The following SUMF1 variants were observed in gnomAD, a reference collection of about 807,000 sequenced individuals.
The protein encoded by SUMF1 is formylglycine-generating enzyme.
SUMF1 carries 48 observed loss-of-function variants against 47.6 expected under a neutral mutation model. The observed-to-expected ratio is 1.01, with a 90% CI of 0.80 to 1.28. The LOEUF (loss-of-function observed/expected upper bound fraction) is 1.28, where lower values mean the gene tolerates loss of function less well. Among genes scored for constraint, SUMF1 ranks in the 50% most tolerant of loss-of-function variants. The pLI, the probability that SUMF1 is intolerant of heterozygous loss-of-function variation, is 0.00. For synonymous variants in SUMF1, 230 were observed against 192.1 expected (o/e 1.20, Z -1.63); for missense variants, 571 against 485.4 (o/e 1.18, Z -1.66).
At chr3:4,106,719 G>A (rs1044654921) in intron 8 of SUMF1, among the ~76,000 whole-genome samples, 2 of 152,036 alleles carry the variant, frequency 1.3e-5, no homozygotes, top group Non-Finnish European at 2.9e-5. Context: ...AAATTAATTT[G>A]TCCTCCCAAT....
chr3:4,066,236 A>C (rs1439656275), intron 9 of SUMF1, among the ~76,000 whole-genome samples: 1 of 152,132 alleles, frequency 6.6e-6, no homozygotes, highest in Non-Finnish European at 1.5e-5. Flanking sequence ...ACAGGATGAA[A>C]TGATATCAGT....
chr3:4,359,084 A>G (rs1699684979), downstream of SUMF1, among the ~76,000 whole-genome samples: 1 of 152,206 alleles, frequency 6.6e-6, no homozygotes, highest in Non-Finnish European at 1.5e-5. Context: ...AATGTCACAG[A>G]AAGTGAGGCT....
At chr3:4,055,552 A>T (rs1480470543) in intron 9 of SUMF1, among the ~76,000 whole-genome samples, 1 of 152,102 alleles carries the variant, frequency 6.6e-6, no homozygotes, top group Non-Finnish European at 1.5e-5. Context: ...GAGTGATCAT[A>T]GCTCACTGTA....
At position 4,231,192 on chromosome 3, in the gene SUMF1, G is replaced by C. The variant is rs1559592298; in HGVS notation, c.1014+145138C>G. ...GCTAGGCACAATCGAGTTTTGAGAG[G>C]TGGGAACGCATTTATTACAAGAAAA... On this transcript the variant is annotated intron_variant and NMD_transcript_variant, in intron 8 of 12. Coordinates refer to the SUMF1 transcript ENST00000448413. 2.0e-5 allele frequency among the ~76,000 whole-genome samples: 3 copies of C among 152,122 alleles called. No individual in the cohort carries two copies. In the South Asian group the frequency reaches 6.2e-4, roughly 31 times the overall value.
intron 8 of SUMF1, among the ~76,000 whole-genome samples, chr3:4,296,012 A>C (rs747818505): frequency 1.6e-4 from 24 of 152,176 alleles, no homozygotes; most frequent in Non-Finnish European, 2.5e-4. Context: ...TGTCTTTTGG[A>C]AAACATAACA....
intron 8 of SUMF1, among the ~76,000 whole-genome samples, chr3:4,282,217 C>G (rs1697543189): frequency 6.6e-6 from 1 of 152,088 alleles, no homozygotes; most frequent in African/African-American, 2.4e-5. Flanking sequence ...CTCCATGAAA[C>G]ATAAAATCAA....
intron 8 of SUMF1, among the ~76,000 whole-genome samples, chr3:4,169,376 T>A (rs112425495): frequency 6.6e-6 from 1 of 151,942 alleles, no homozygotes; most frequent in African/African-American, 2.4e-5. Context: ...AGTATCTTTA[T>A]AAAAAGGGGA....
intron 8 of SUMF1, among the ~76,000 whole-genome samples, chr3:4,254,294 T>A (rs1251977195): frequency 1.3e-5 from 2 of 151,680 alleles, no homozygotes; most frequent in Non-Finnish European, 2.9e-5. Flanking sequence ...AGAAGAAGGC[T>A]TCAGACGATC....
At position 4,061,182 on chromosome 3, in the gene SUMF1, T is replaced by A. The variant is rs534378843; in HGVS notation, c.1191+7387A>T. Among the ~76,000 whole-genome samples, 5 of 152,304 alleles carry A rather than the reference T, an allele frequency of 3.3e-5. No homozygotes were observed. In the East Asian group the frequency reaches 9.6e-4, roughly 29 times the overall value. Reference sequence around the variant, plus strand: ...AGAGCAATGATGACACCAGACCAATTGTCCCATAGCACTGATGTTTATGGT... The same window carrying A: ...AGAGCAATGATGACACCAGACCAATAGTCCCATAGCACTGATGTTTATGGT... On this transcript the variant is annotated intron_variant and NMD_transcript_variant, in intron 9 of 12. Coordinates refer to the SUMF1 transcript ENST00000448413.
chr3:4,127,250 T>C (rs1469976610), intron 8 of SUMF1, among the ~76,000 whole-genome samples: 1 of 152,144 alleles, frequency 6.6e-6, no homozygotes, highest in Non-Finnish European at 1.5e-5. Flanking sequence ...CTGAAAGTGG[T>C]TGGTTACAAA....
chr3:4,098,102 T>A (rs995604532), intron 8 of SUMF1, among the ~76,000 whole-genome samples: 3 of 152,052 alleles, frequency 2.0e-5, no homozygotes, highest in African/African-American at 7.3e-5. Context: ...CAAAACTTCC[T>A]CCAAAATTGC....
intron 8 of SUMF1, chr3:4,068,763 A>T (rs1695442362): frequency 2.9e-6 from 1 of 347,290 alleles, no homozygotes; most frequent in Non-Finnish European, 5.8e-6. Flanking sequence ...AAATAAGAAG[A>T]AGAAGAAGAA....
intron 8 of SUMF1, among the ~76,000 whole-genome samples, chr3:4,191,493 T>G (rs1160714510): frequency 6.6e-6 from 1 of 152,260 alleles, no homozygotes; most frequent in East Asian, 1.9e-4. Context: ...ATGGAAGATT[T>G]TGACCTAGAA....
intron 8 of SUMF1, among the ~76,000 whole-genome samples, chr3:4,215,555 C>A (rs958189743): frequency 6.6e-6 from 1 of 152,068 alleles, no homozygotes; most frequent in Admixed American, 6.6e-5. Flanking sequence ...GGCAATCAGG[C>A]AAGAGAAAGA....
intron 8 of SUMF1, among the ~76,000 whole-genome samples, chr3:4,334,068 C>A (rs1248343447): frequency 6.6e-6 from 1 of 151,484 alleles, no homozygotes; most frequent in Non-Finnish European, 1.5e-5. Flanking sequence ...AGCATGGCTA[C>A]AGTGAGCCCT....
At chr3:4,302,433 G>C (rs527950638) in intron 8 of SUMF1, among the ~76,000 whole-genome samples, 2 of 152,182 alleles carry the variant, frequency 1.3e-5, no homozygotes, top group African/African-American at 4.8e-5. Context: ...AGAGGTTGTG[G>C]ATACCAAATT....
intron 8 of SUMF1, among the ~76,000 whole-genome samples, chr3:4,076,375 T>C (rs1255956220): frequency 6.6e-6 from 1 of 152,110 alleles, no homozygotes; most frequent in African/African-American, 2.4e-5. Flanking sequence ...ATGTAAGACC[T>C]AAAACCATGA....
intron 8 of SUMF1, among the ~76,000 whole-genome samples, chr3:4,234,311 A>G (rs760338101): frequency 4.6e-5 from 7 of 152,182 alleles, no homozygotes; most frequent in Non-Finnish European, 8.8e-5. Context: ...GATTTATCAA[A>G]AGTCAAAGGG....
At chr3:4,396,672 C>T (rs1250838919) in intron 7 of SUMF1, among the ~76,000 whole-genome samples, 3 of 152,190 alleles carry the variant, frequency 2.0e-5, no homozygotes, top group Admixed American at 6.5e-5. Context: ...CTTCAAGGAA[C>T]TTCCCATGGT....
Sources: gnomAD v4.1 joint callset for allele counts (sites outside exome capture counted in the v4.1 genomes callset) on GRCh38, gnomAD v4.1.1 for gene constraint, MANE v1.5 for transcripts, NCBI Gene and HGNC (gene_info 2026-07-23, HGNC 2026-07-21) for gene names.